The following MYO16 variants were observed in gnomAD, a reference collection of about 807,000 sequenced individuals.
MYO16 encodes myosin XVI.
MYO16 carries 94 observed loss-of-function variants against 205.3 expected under a neutral mutation model. That is an observed-to-expected ratio of 0.46 (90% CI 0.39 to 0.54). The LOEUF is 0.54. Ranked by LOEUF, MYO16 falls within the 20% of genes least tolerant of loss-of-function variation. The pLI is 0.00. For synonymous variants in MYO16, 988 were observed against 954.0 expected, an observed-to-expected ratio of 1.04 and a Z score of -0.66; for missense variants, 2,315 against 2,387.5, an observed-to-expected ratio of 0.97 and a Z score of 0.63.
intron 3 of MYO16, among the ~76,000 whole-genome samples, chr13:108,720,584 T>C (rs1164094282): frequency 6.6e-6 from 1 of 152,160 alleles, no homozygotes; most frequent in African/African-American, 2.4e-5. Context: ...TTTGTTGTTG[T>C]TGTTGTTTTT....
At chr13:108,740,857 C>T (rs1796628229) in intron 4 of MYO16, among the ~76,000 whole-genome samples, 1 of 152,192 alleles carries the variant, frequency 6.6e-6, no homozygotes, top group Non-Finnish European at 1.5e-5. Flanking sequence ...CCCAGCCTCA[C>T]TGCCACCTTG....
chr13:108,895,717 T>A (rs900913216), intron 14 of MYO16, among the ~76,000 whole-genome samples: 2 of 152,220 alleles, frequency 1.3e-5, no homozygotes, highest in African/African-American at 4.8e-5. Context: ...TGTCCTTTTT[T>A]CTGTAAAGCA....
the MYO16 span, among the ~76,000 whole-genome samples, chr13:108,510,461 G>GTTTTTTTTTTTTTTTTTTTTT: frequency 2.2e-5 from 1 of 45,924 alleles, no homozygotes; most frequent in African/African-American, 1.0e-4. Context: ...ATTGATAGCT[G>GTTTTTTTTTTTTTTTTTTTTT]TTTTTTTTTT....
chr13:108,711,679 C>T (rs1271069762), intron 2 of MYO16, among the ~76,000 whole-genome samples: 1 of 152,160 alleles, frequency 6.6e-6, no homozygotes, highest in East Asian at 1.9e-4. Flanking sequence ...GACATTGGAA[C>T]ACATAAAAGA....
chr13:109,069,080 TTAAAA>T (rs1261478688), intron 27 of MYO16, among the ~76,000 whole-genome samples: 3 of 152,166 alleles, frequency 2.0e-5, no homozygotes, highest in Non-Finnish European at 2.9e-5. Flanking sequence ...AATGAAAGTG[TTAAAA>T]TAAAACAAAA....
In MYO16 at chr13:109,055,246, T is replaced by TAC. The variant is rs10557146; in HGVS notation, c.3130-116_3130-115dup. 69,184 of 656,940 alleles carry TAC rather than the reference T, an allele frequency of 0.11. 1,646 individuals carry two copies. Among genetic ancestry groups the TAC allele is most frequent in the African/African-American group, 0.2 (10,602 of 53,830 alleles). The allele number at this position is 656,940 out of a possible 1,614,324, so 40.7% of individuals were successfully genotyped here. A position where few individuals can be genotyped will look rare whatever the true frequency, so the allele number is the denominator to read the frequency against. The stretch of plus-strand genomic sequence containing the variant: ...AATATCTTCACAAAAAAAGTAAACA[T>TAC]ACACACACACACACACACACACACA... On this transcript the variant is annotated intron_variant, in intron 26 of 34. Coordinates refer to ENST00000457511, the MANE Select transcript of MYO16 (RefSeq NM_001198950.3). The surrounding 1 kb of genome is among the most constrained non-coding windows in gnomAD (Gnocchi z 5.0).
intron 23 of MYO16, 48 bp downstream of exon 23, chr13:109,019,959 GGTC>G: frequency 1.3e-6 from 2 of 1,568,126 alleles, no homozygotes; most frequent in Non-Finnish European, 1.7e-6. Flanking sequence ...AATGATCAAA[GGTC>G]CTTGGGACAA....
Position 108,993,365 on chromosome 13 carries a change from C to T in MYO16, c.2442+917C>T, listed in dbSNP as rs189226676. 2.0e-5 allele frequency among the ~76,000 whole-genome samples: 3 copies of T among 152,202 alleles called. No homozygotes were observed. In the East Asian group the frequency reaches 5.8e-4, roughly 29 times the overall value. ...AGACTTACAGAGTTCTGAGATTAAA[C>T]ATAATTAAACAGGTTCTCGTGTCAG... is the stretch of plus-strand genomic sequence containing the variant. On this transcript the variant is annotated intron_variant, in intron 21 of 34. Transcript: ENST00000457511.
intron 23 of MYO16, among the ~76,000 whole-genome samples, chr13:109,027,351 A>C (rs1212383674): frequency 6.6e-6 from 1 of 152,214 alleles, no homozygotes; most frequent in Non-Finnish European, 1.5e-5. Context: ...ATAAGGTCAT[A>C]TTCTGTTGAT....
chr13:109,076,677 G>A (rs1324123244), intron 27 of MYO16, among the ~76,000 whole-genome samples: 1 of 152,134 alleles, frequency 6.6e-6, no homozygotes, highest in African/African-American at 2.4e-5. Context: ...TCTTCCATCA[G>A]CAGGGAAATG....
intron 9 of MYO16, among the ~76,000 whole-genome samples, chr13:108,831,722 A>G (rs1326240496): frequency 6.6e-6 from 1 of 152,214 alleles, no homozygotes; most frequent in African/African-American, 2.4e-5. Context: ...CACCTTGGCC[A>G]GGCTGGTCTC....
intron 11 of MYO16, among the ~76,000 whole-genome samples, chr13:108,858,774 A>G (rs2139108799): frequency 6.6e-6 from 1 of 152,292 alleles, no homozygotes; most frequent in East Asian, 1.9e-4. Flanking sequence ...AAGATGCCCA[A>G]TTCACTCAGT....
At chr13:108,891,671 G>A (rs969869583) in intron 14 of MYO16, among the ~76,000 whole-genome samples, 4 of 152,186 alleles carry the variant, frequency 2.6e-5, no homozygotes, top group African/African-American at 9.7e-5. Context: ...TGCCTCTGAT[G>A]CTGACATGTG....
Position 109,019,733 on chromosome 13 carries a change from T to C in MYO16, c.2618T>C (p.Leu873Ser). 3 of 1,614,042 alleles carry C rather than the reference T, an allele frequency of 1.9e-6. No homozygotes were observed. Among genetic ancestry groups the C allele is most frequent in the Non-Finnish European group, 2.5e-6 (3 of 1,179,946 alleles). Residue 873 changes from leucine (L) to serine (S), a missense_variant, in exon 23 of 35, where the codon TTA (leucine) becomes TCA (serine). By Grantham distance (145) the Leu-to-Ser change is moderately radical. Coordinates refer to ENST00000457511, the MANE Select transcript of MYO16 (RefSeq NM_001198950.3). ...CAGAAGCCATCTGGATTTCTCACCTTATTGGATGAAGAAAGTCAAATGATT... is the reference window on the plus strand; with the variant it reads ...CAGAAGCCATCTGGATTTCTCACCTCATTGGATGAAGAAAGTCAAATGATT... The part of the protein sequence containing the change: ...FFQKPSGFLT[L>S]LDEESQMIWS...
At chr13:108,829,273 A>G (rs1347065920) in intron 9 of MYO16, among the ~76,000 whole-genome samples, 1 of 152,220 alleles carries the variant, frequency 6.6e-6, no homozygotes, top group African/African-American at 2.4e-5. Context: ...TTTATAGAGC[A>G]TTTAGAGCAA....
intron 13 of MYO16, among the ~76,000 whole-genome samples, chr13:108,888,123 A>G (rs1594371822): frequency 6.6e-6 from 1 of 152,340 alleles, no homozygotes; most frequent in South Asian, 2.1e-4. Context: ...AGCATCTGAA[A>G]CACCATCAGG....
intron 25 of MYO16, among the ~76,000 whole-genome samples, chr13:109,052,923 A>G (rs1161578822): frequency 2.6e-5 from 4 of 152,210 alleles, no homozygotes; most frequent in African/African-American, 9.6e-5. Flanking sequence ...TTTTTACTGC[A>G]TGTTTGTAGA....
chr13:108,922,587 A>G (rs944162200), intron 16 of MYO16, among the ~76,000 whole-genome samples: 1 of 152,208 alleles, frequency 6.6e-6, no homozygotes, highest in Non-Finnish European at 1.5e-5. Flanking sequence ...CGAAGTCAAT[A>G]AGATTTGGAA....
At chr13:109,090,494 C>T (rs1340847163) in intron 27 of MYO16, among the ~76,000 whole-genome samples, 1 of 152,172 alleles carries the variant, frequency 6.6e-6, no homozygotes, top group Non-Finnish European at 1.5e-5. Context: ...TGGGAGGTGA[C>T]GTGACTGGTC....
Sources: allele counts gnomAD v4.1 joint callset (sites outside exome capture counted in the v4.1 genomes callset), GRCh38; gene constraint gnomAD v4.1.1; non-coding constraint Gnocchi (gnomAD v3.1); transcripts MANE v1.5; gene names NCBI Gene and HGNC (gene_info 2026-07-23, HGNC 2026-07-21).